C10orf53: variants seen among roughly 807,000 people sequenced by gnomAD.
C10orf53 encodes the protein UPF0728 protein C10orf53.
In C10orf53, 8 loss-of-function variants were observed where a neutral mutation model predicts 9.4. The ratio of observed to expected loss-of-function variants is 0.85; its 90% confidence interval spans 0.50 to 1.53. The LOEUF (loss-of-function observed/expected upper bound fraction) is 1.53, where lower values mean the gene tolerates loss of function less well. C10orf53 is among the 40% of genes most tolerant of loss of function. The pLI is 0.00. For synonymous variants in C10orf53, 48 were observed against 46.0 expected, an observed-to-expected ratio of 1.04 and a Z score of -0.18; for missense variants, 117 against 117.8, an observed-to-expected ratio of 0.99 and a Z score of 0.03.
chr10:49,704,391 A>G (rs1007033170), intron 2 of C10orf53, among the ~76,000 whole-genome samples: 1 of 152,228 alleles, frequency 6.6e-6, no homozygotes, highest in Non-Finnish European at 1.5e-5. Context: ...TAAAAAGTAC[A>G]TAAACAGAGG....
chr10:49,684,326 T>A (rs937321424), intron 1 of C10orf53, among the ~76,000 whole-genome samples: 3 of 152,220 alleles, frequency 2.0e-5, no homozygotes, highest in Admixed American at 1.3e-4. Context: ...CTCAAGATTG[T>A]TTTATCTATT....
intron 1 of C10orf53, among the ~76,000 whole-genome samples, chr10:49,691,634 A>G (rs888524368): frequency 7.9e-5 from 12 of 152,206 alleles, no homozygotes; most frequent in African/African-American, 2.9e-4. Flanking sequence ...CCTCAACTCA[A>G]TAGGGTAAGT....
rs1015789014 is a variant in C10orf53 at position 49,686,071 on chromosome 10, A to T, written c.97+6277A>T. On this transcript the variant is annotated intron_variant, in intron 1 of 2. Coordinates refer to ENST00000374111, the MANE Select transcript of C10orf53 (RefSeq NM_001042427.3). Reference sequence around the variant, plus strand: ...ACTGGGTTGTTGCAGGAAGTCAGAGACCCTGAACAGAGGGACCAGCTGGAG... The same window carrying T: ...ACTGGGTTGTTGCAGGAAGTCAGAGTCCCTGAACAGAGGGACCAGCTGGAG... Among the ~76,000 whole-genome samples the T allele has an allele frequency of 4.6e-5, 7 of 152,162 alleles. 1 individual carries two copies. Among genetic ancestry groups the T allele is most frequent in the Non-Finnish European group, 8.8e-5 (6 of 68,028 alleles).
intron 1 of C10orf53, among the ~76,000 whole-genome samples, 168 bp from the exon 2 acceptor site, chr10:49,693,606 G>A (rs80150524): frequency 6.6e-6 from 1 of 152,280 alleles, no homozygotes; most frequent in Non-Finnish European, 1.5e-5. Flanking sequence ...CCCAGCAAAG[G>A]TGAGGGCACC....
chr10:49,708,622 G>T, exon 3 of C10orf53: 1 of 1,613,668 alleles, frequency 6.2e-7, no homozygotes, highest in South Asian at 1.1e-5. Flanking sequence ...TACTGAAATC[G>T]ACAGGACAGA....
rs1294523356 is a variant in C10orf53 at position 49,695,303 on chromosome 10, G to A, written c.*701G>A. 1 of 152,098 alleles carries A rather than the reference G, an allele frequency of 6.6e-6. No homozygotes were observed. Among genetic ancestry groups the A allele is most frequent in the South Asian group, 2.1e-4 (1 of 4,816 alleles). 9.4% of individuals were successfully genotyped at this position (152,098 alleles called of 1,614,324 possible). On this transcript the variant is annotated 3_prime_UTR_variant, in exon 3 of 3. Transcript: ENST00000374111. Reference sequence around the variant, plus strand: ...AACACAGCCCCATAGAGTTAAAGAGGGTTTTCACTATGTTCAGTGTGAAAA... The same window carrying A: ...AACACAGCCCCATAGAGTTAAAGAGAGTTTTCACTATGTTCAGTGTGAAAA...
At chr10:49,704,807 G>A (rs2132892255) in intron 2 of C10orf53, among the ~76,000 whole-genome samples, 1 of 152,322 alleles carries the variant, frequency 6.6e-6, no homozygotes, top group East Asian at 1.9e-4. Context: ...GTGTTGGTAA[G>A]GATGTGGTAA....
At chr10:49,693,457 T>A (rs1362906897) in intron 1 of C10orf53, among the ~76,000 whole-genome samples, 1 of 152,218 alleles carries the variant, frequency 6.6e-6, no homozygotes, top group Non-Finnish European at 1.5e-5. Context: ...TCTCCAGCAC[T>A]GAGTGTGGTC....
At chr10:49,698,616 C>A (rs1415259164), downstream of C10orf53, among the ~76,000 whole-genome samples, 1 of 152,146 alleles carries the variant, frequency 6.6e-6, no homozygotes, top group South Asian at 2.1e-4. Flanking sequence ...TTGGCCAAAT[C>A]CAGGTAAAAG....
At chr10:49,704,878 G>C (rs1840712026) in intron 2 of C10orf53, among the ~76,000 whole-genome samples, 1 of 152,200 alleles carries the variant, frequency 6.6e-6, no homozygotes, top group African/African-American at 2.4e-5. Context: ...GAGCAATCTG[G>C]CATTGTCAAA....
downstream of C10orf53, among the ~76,000 whole-genome samples, chr10:49,699,937 A>T (rs1159483505): frequency 1.3e-5 from 2 of 152,016 alleles, no homozygotes; most frequent in Non-Finnish European, 2.9e-5. Context: ...GCCTCCAGGC[A>T]AGATGTGAGC....
chr10:49,681,505 G>C (rs1840478653), intron 1 of C10orf53, among the ~76,000 whole-genome samples: 1 of 152,234 alleles, frequency 6.6e-6, no homozygotes, highest in Admixed American at 6.5e-5. Flanking sequence ...TGAGAGAACA[G>C]TTGATAGAGA....
exon 3 of C10orf53, chr10:49,709,995 GTGTGTC>G: frequency 2.0e-5 from 1 of 49,578 alleles, no homozygotes; most frequent in Non-Finnish European, 5.0e-5. Flanking sequence ...GTGTGTGTGT[GTGTGTC>G]TGTGTGTGTG....
chr10:49,693,770 C>T lies in C10orf53; in HGVS notation c.98-4C>T. On this transcript the variant is annotated splice_region_variant and splice_polypyrimidine_tract_variant and intron_variant, in intron 1 of 2. Coordinates refer to ENST00000374111, the MANE Select transcript of C10orf53 (RefSeq NM_001042427.3). ...TCACTCACCTCCTTTTCTTTCCTTC[C>T]CAGCTGTGTTGGCCATAGATGGACA... 1 of 1,612,976 alleles carries T rather than the reference C, an allele frequency of 6.2e-7. No homozygotes were observed. Among genetic ancestry groups the T allele is most frequent in the Non-Finnish European group, 8.5e-7 (1 of 1,179,252 alleles).
At chr10:49,693,130 A>G (rs1356884571) in intron 1 of C10orf53, among the ~76,000 whole-genome samples, 2 of 152,204 alleles carry the variant, frequency 1.3e-5, no homozygotes, top group Non-Finnish European at 2.9e-5. Flanking sequence ...AAAAAAGTTC[A>G]TGAACATTTT....
At chr10:49,702,674 A>C (rs1203162166) in intron 2 of C10orf53, among the ~76,000 whole-genome samples, 1 of 152,202 alleles carries the variant, frequency 6.6e-6, no homozygotes. Flanking sequence ...AGGACTTCTC[A>C]GCCTCCATAA....
intron 1 of C10orf53, among the ~76,000 whole-genome samples, chr10:49,682,133 T>C (rs988200215): frequency 3.3e-5 from 5 of 152,232 alleles, no homozygotes; most frequent in African/African-American, 1.2e-4. Context: ...TTTAACCATG[T>C]TAAGCATACA....
intron 1 of C10orf53, among the ~76,000 whole-genome samples, chr10:49,689,203 C>T (rs543810029): frequency 1.9e-4 from 29 of 152,164 alleles, no homozygotes; most frequent in Admixed American, 9.2e-4. Flanking sequence ...GACAGCCCCC[C>T]GAGGGCAGGG....
intron 1 of C10orf53, among the ~76,000 whole-genome samples, chr10:49,688,144 C>T (rs1840546508): frequency 6.6e-6 from 1 of 151,964 alleles, no homozygotes; most frequent in African/African-American, 2.4e-5. Flanking sequence ...CTTAGTATGC[C>T]CCAAATTTCC....
Sources: gnomAD v4.1 joint callset for allele counts (sites outside exome capture counted in the v4.1 genomes callset) on GRCh38, gnomAD v4.1.1 for gene constraint, MANE v1.5 for transcripts, NCBI Gene and HGNC (gene_info 2026-07-23, HGNC 2026-07-21) for gene names.